CDH18: variants seen among roughly 807,000 people sequenced by gnomAD.
The protein encoded by CDH18 is cadherin 18, also known as cadherin-18.
CDH18 carries 31 observed loss-of-function variants against 67.9 expected under a neutral mutation model. The ratio of observed to expected loss-of-function variants is 0.46; its 90% CI spans 0.34 to 0.62. The LOEUF is 0.62. Ranked by LOEUF, CDH18 falls within the 20% of genes least tolerant of loss-of-function variation. The pLI is 0.01. For missense variants in CDH18, 890 were observed against 975.5 expected (o/e 0.91, Z 1.17); for synonymous variants, 362 against 347.2 (o/e 1.04, Z -0.48).
intron 2 of CDH18, among the ~76,000 whole-genome samples, chr5:19,877,255 G>A (rs192313313): frequency 1.3e-5 from 2 of 152,204 alleles, no homozygotes; most frequent in East Asian, 1.9e-4. Context: ...AAAAAGTGGG[G>A]AAAATCGTTA....
intron 2 of CDH18, among the ~76,000 whole-genome samples, chr5:20,249,820 G>C (rs1743691252): frequency 6.6e-6 from 1 of 152,128 alleles, no homozygotes; most frequent in African/African-American, 2.4e-5. Flanking sequence ...AGAAAATTTT[G>C]ATGAAATATT....
intron 2 of CDH18, among the ~76,000 whole-genome samples, chr5:19,968,443 T>C (rs549082939): frequency 2.0e-5 from 3 of 152,188 alleles, no homozygotes; most frequent in South Asian, 2.1e-4. Flanking sequence ...CTTCAAACTA[T>C]ACTACAAGGC....
chr5:19,627,740 T>C (rs1040111903), intron 5 of CDH18, among the ~76,000 whole-genome samples: 3 of 152,186 alleles, frequency 2.0e-5, no homozygotes, highest in African/African-American at 7.2e-5. Context: ...TAAACAGGCT[T>C]ACTTAAAAGA....
intron 5 of CDH18, among the ~76,000 whole-genome samples, chr5:19,706,434 C>T (rs1763971619): frequency 6.6e-6 from 1 of 152,194 alleles, no homozygotes; most frequent in African/African-American, 2.4e-5. Flanking sequence ...CCAGCATTGC[C>T]CAACTTGCCA....
intron 2 of CDH18, among the ~76,000 whole-genome samples, chr5:20,031,463 T>C (rs1373212850): frequency 6.6e-6 from 1 of 151,986 alleles, no homozygotes; most frequent in Non-Finnish European, 1.5e-5. Flanking sequence ...TCATGCAATT[T>C]CTGAGAGCAC....
rs1286286247 is a variant in CDH18 at position 19,797,894 on chromosome 5, A to G, written c.228+40865T>C. Among the ~76,000 whole-genome samples, 5 of 152,172 alleles carry G rather than the reference A, an allele frequency of 3.3e-5. No homozygotes were observed. In the East Asian group the frequency reaches 9.6e-4, roughly 29 times the overall value. On this transcript the variant is annotated intron_variant, in intron 3 of 12. Coordinates refer to ENST00000382275, the MANE Select transcript of CDH18 (RefSeq NM_004934.5). ...TAAAACACTCTTGATGAGGAAGAAA[A>G]TCATAAGAATTACTCTTTGATATTA...
At chr5:20,172,944 C>A (rs1367368369) in intron 2 of CDH18, among the ~76,000 whole-genome samples, 2 of 150,504 alleles carry the variant, frequency 1.3e-5, no homozygotes, top group South Asian at 2.1e-4. Flanking sequence ...GAGCCGAGAT[C>A]GCACCATTTC....
chr5:19,659,164 A>T (rs1756827666), intron 5 of CDH18, among the ~76,000 whole-genome samples: 2 of 152,112 alleles, frequency 1.3e-5, no homozygotes, highest in Non-Finnish European at 2.9e-5. Context: ...AAAGTCGTTT[A>T]TATTTATAAG....
At chr5:20,090,395 CATG>C (rs980848244) in intron 2 of CDH18, among the ~76,000 whole-genome samples, 64 of 151,920 alleles carry the variant, frequency 4.2e-4, no homozygotes, top group African/African-American at 1.5e-3. Context: ...ATTAGCCAGG[CATG>C]GTGGTGGGTG....
At chr5:20,394,010 A>T (rs971919885) in intron 1 of CDH18, among the ~76,000 whole-genome samples, 5 of 152,106 alleles carry the variant, frequency 3.3e-5, no homozygotes, top group Non-Finnish European at 5.9e-5. Flanking sequence ...ATTCAATGAA[A>T]TTCCCGTCAA....
intron 2 of CDH18, among the ~76,000 whole-genome samples, chr5:20,109,548 G>A (rs974958515): frequency 2.0e-5 from 3 of 152,204 alleles, no homozygotes; most frequent in African/African-American, 7.2e-5. Flanking sequence ...AGCAGCCAGT[G>A]TCTAACTGAC....
chr5:19,889,330 A>G (rs898201791), intron 2 of CDH18, among the ~76,000 whole-genome samples: 2 of 151,266 alleles, frequency 1.3e-5, no homozygotes, highest in Admixed American at 1.3e-4. Flanking sequence ...CTCTTGAGAG[A>G]AATGTGTAAT....
chr5:19,943,027 A>C (rs1350671534), intron 2 of CDH18, among the ~76,000 whole-genome samples: 2 of 152,138 alleles, frequency 1.3e-5, no homozygotes, highest in East Asian at 3.9e-4. Flanking sequence ...CTTTGAGCTT[A>C]GTTCTATCTA....
intron 2 of CDH18, among the ~76,000 whole-genome samples, chr5:20,136,823 G>C (rs1749768374): frequency 6.6e-6 from 1 of 152,076 alleles, no homozygotes; most frequent in African/African-American, 2.4e-5. Flanking sequence ...GTCTGTAAAG[G>C]ATTTTATTTC....
intron 2 of CDH18, among the ~76,000 whole-genome samples, chr5:20,070,039 A>G (rs987074334): frequency 6.6e-6 from 1 of 151,992 alleles, no homozygotes; most frequent in Non-Finnish European, 1.5e-5. Flanking sequence ...TGCCCTAGAA[A>G]TTTTCTGTGC....
At chr5:19,622,647 A>T (rs1259891900) in intron 5 of CDH18, among the ~76,000 whole-genome samples, 6 of 152,088 alleles carry the variant, frequency 3.9e-5, no homozygotes, top group Non-Finnish European at 8.8e-5. Context: ...CTGGTAAGTG[A>T]TCTAGCTAGA....
intron 2 of CDH18, among the ~76,000 whole-genome samples, chr5:20,014,430 A>T (rs1396917267): frequency 1.3e-5 from 2 of 152,102 alleles, no homozygotes; most frequent in African/African-American, 4.8e-5. Flanking sequence ...CCTAGAAAAG[A>T]TGTCCTATGC....
chr5:20,303,366 A>C (rs1736111732), intron 1 of CDH18, among the ~76,000 whole-genome samples: 1 of 152,128 alleles, frequency 6.6e-6, no homozygotes. Flanking sequence ...ACACTACCTC[A>C]TGAATAGACA....
At chr5:19,795,661 T>G (rs1776780924) in intron 3 of CDH18, among the ~76,000 whole-genome samples, 1 of 151,902 alleles carries the variant, frequency 6.6e-6, no homozygotes, top group Non-Finnish European at 1.5e-5. Flanking sequence ...TCTATCATAA[T>G]AAGAAAAATG....
Sources: gnomAD v4.1 joint callset for allele counts (sites outside exome capture counted in the v4.1 genomes callset) on GRCh38, gnomAD v4.1.1 for gene constraint, MANE v1.5 for transcripts, NCBI Gene and HGNC (gene_info 2026-07-23, HGNC 2026-07-21) for gene names.